The following IFTAP variants were observed in gnomAD, a reference collection of about 807,000 sequenced individuals.
IFTAP encodes intraflagellar transport associated protein.
A neutral mutation model predicts 19.4 loss-of-function variants in IFTAP; 19 were observed. That is an observed-to-expected ratio of 0.98 (90% CI 0.68 to 1.44). The LOEUF is 1.44. Ranked by LOEUF, IFTAP falls within the 40% of genes most tolerant of loss-of-function variation. The pLI, the probability that IFTAP is intolerant of heterozygous loss-of-function variation, is 0.00. For missense variants in IFTAP, 240 were observed against 253.6 expected (o/e 0.95, Z 0.36); for synonymous variants, 85 against 83.5 (o/e 1.02, Z -0.10).
chr11:36,633,162 C>T lies in IFTAP; in HGVS notation c.137-122C>T, dbSNP rs184383763. The T allele has an allele frequency of 3.4e-4, 286 of 853,008 alleles. 1 individual carries two copies. In the East Asian group the frequency reaches 7.0e-3, roughly 21 times the overall value. 52.8% of individuals were successfully genotyped at this position (853,008 alleles called of 1,614,324 possible). A position where few individuals can be genotyped will look rare whatever the true frequency, so the allele number is the denominator to read the frequency against. On this transcript the variant is annotated intron_variant, in intron 2 of 5. Transcript: ENST00000334307. Reference sequence around the variant, plus strand: ...CAGAGTGCTTAATGCCTCAAGGGTTCGGTTTGTAGAGTTCTTTGAAAAGTA... The same window carrying T: ...CAGAGTGCTTAATGCCTCAAGGGTTTGGTTTGTAGAGTTCTTTGAAAAGTA...
intron 4 of IFTAP, among the ~76,000 whole-genome samples, chr11:36,643,051 A>G (rs1484580877): frequency 6.6e-6 from 1 of 152,332 alleles, no homozygotes; most frequent in East Asian, 1.9e-4. Flanking sequence ...TCAGTTAGGA[A>G]AAGAGGAAGT....
chr11:36,618,504 C>T (rs1273158556), intron 2 of IFTAP, among the ~76,000 whole-genome samples: 1 of 151,996 alleles, frequency 6.6e-6, no homozygotes, highest in East Asian at 1.9e-4. Context: ...GGGTTTTCAC[C>T]ACTATTACAC....
At chr11:36,614,428 A>C (rs1331500706) in intron 2 of IFTAP, among the ~76,000 whole-genome samples, 6 of 148,490 alleles carry the variant, frequency 4.0e-5, no homozygotes. Flanking sequence ...CTTTGGGTAT[A>C]TACCCAGTAA....
intron 5 of IFTAP, among the ~76,000 whole-genome samples, chr11:36,648,991 A>G (rs1853601003): frequency 6.6e-6 from 1 of 152,152 alleles, no homozygotes; most frequent in South Asian, 2.1e-4. Flanking sequence ...CTTAATAAAC[A>G]TGTATCAATA....
intron 5 of IFTAP, among the ~76,000 whole-genome samples, chr11:36,653,760 A>G (rs1408557367): frequency 1.3e-5 from 2 of 152,174 alleles, no homozygotes; most frequent in South Asian, 2.1e-4. Flanking sequence ...TCACTCATGC[A>G]TGTCATCATA....
intron 5 of IFTAP, among the ~76,000 whole-genome samples, chr11:36,656,071 A>G (rs72941576): frequency 6.6e-6 from 1 of 152,208 alleles, no homozygotes; most frequent in Admixed American, 6.5e-5. Flanking sequence ...AGGTAGTTTG[A>G]GACCTCAGGG....
chr11:36,600,590 T>G (rs1851471558), intron 1 of IFTAP, among the ~76,000 whole-genome samples: 1 of 152,180 alleles, frequency 6.6e-6, no homozygotes. Context: ...TAGTCTCTGG[T>G]GCGAAAAAGG....
chr11:36,648,934 A>G (rs1206438317), intron 5 of IFTAP, among the ~76,000 whole-genome samples: 12 of 152,260 alleles, frequency 7.9e-5, no homozygotes, highest in African/African-American at 2.9e-4. Flanking sequence ...CAAATGTGCA[A>G]CTTGAAAGTC....
At chr11:36,598,917 G>A (rs1851397400) in intron 1 of IFTAP, among the ~76,000 whole-genome samples, 1 of 152,210 alleles carries the variant, frequency 6.6e-6, no homozygotes, top group South Asian at 2.1e-4. Flanking sequence ...ATGAGATAAT[G>A]TATGCAAAGT....
chr11:36,616,094 A>G (rs1590207677), intron 2 of IFTAP, among the ~76,000 whole-genome samples: 2 of 152,070 alleles, frequency 1.3e-5, no homozygotes, highest in Admixed American at 1.3e-4. Context: ...TTTCAACTCC[A>G]TTTTATGACA....
At position 36,626,356 on chromosome 11, in the gene IFTAP, A is replaced by G. The variant is rs929350599; in HGVS notation, c.137-6928A>G. The stretch of plus-strand genomic sequence containing the variant: ...TAAAGTGTTATGTCTTTGAGTGAGT[A>G]AAAATTTTAAGGGACTAGATTATAT... On this transcript the variant is annotated intron_variant, in intron 2 of 5. Transcript: ENST00000334307. Among the ~76,000 whole-genome samples the G allele has an allele frequency of 7.3e-5, 11 of 151,302 alleles. 2 individuals are homozygous for G. Among genetic ancestry groups the G allele is most frequent in the African/African-American group, 2.7e-4 (11 of 40,596 alleles).
chr11:36,616,682 C>T (rs1378361103), intron 2 of IFTAP, among the ~76,000 whole-genome samples: 1 of 151,762 alleles, frequency 6.6e-6, no homozygotes, highest in Admixed American at 6.6e-5. Flanking sequence ...GGAGCGATGC[C>T]AGTGCTTTTC....
At chr11:36,636,253 A>AT (rs367921733) in intron 4 of IFTAP, 136 bp downstream of exon 4, 10 of 654,726 alleles carry the variant, frequency 1.5e-5, no homozygotes, top group South Asian at 6.0e-5. Flanking sequence ...GTTGTGAGCT[A>AT]TTTTTTTCAG....
chr11:36,608,561 G>A (rs1200434789), intron 1 of IFTAP, among the ~76,000 whole-genome samples: 1 of 152,180 alleles, frequency 6.6e-6, no homozygotes, highest in Admixed American at 6.5e-5. Context: ...AGTTTAACAA[G>A]GTGAAATATC....
intron 2 of IFTAP, among the ~76,000 whole-genome samples, chr11:36,615,863 G>C (rs956596664): frequency 9.2e-5 from 14 of 151,816 alleles, no homozygotes; most frequent in South Asian, 2.1e-4. Context: ...CGTCTGCAAA[G>C]AGGGACAATT....
intron 5 of IFTAP, 22 bp from the exon 6 acceptor site, chr11:36,658,997 C>T (rs1178484627): frequency 4.7e-6 from 7 of 1,498,600 alleles, no homozygotes; most frequent in Admixed American, 4.2e-5. Context: ...TATGTTTTTT[C>T]CTCCTTTGTT....
At chr11:36,631,699 T>A (rs1223011338) in intron 2 of IFTAP, among the ~76,000 whole-genome samples, 1 of 151,118 alleles carries the variant, frequency 6.6e-6, no homozygotes, top group East Asian at 1.9e-4. Flanking sequence ...TGGAACATTT[T>A]TATAGTAGAG....
chr11:36,639,719 G>A (rs558110457), intron 4 of IFTAP, among the ~76,000 whole-genome samples: 2 of 152,114 alleles, frequency 1.3e-5, no homozygotes, highest in South Asian at 4.1e-4. Context: ...CCGTTCCTGA[G>A]GGATCTACTC....
At position 36,603,305 on chromosome 11, in the gene IFTAP, A is replaced by T. The variant is rs1851574488; in HGVS notation, c.-23-6776A>T. Among the ~76,000 whole-genome samples the T allele has an allele frequency of 2.0e-5, 3 of 152,222 alleles. 1 individual carries two copies. Among genetic ancestry groups the T allele is most frequent in the Admixed American group, 2.0e-4 (3 of 15,284 alleles). On this transcript the variant is annotated intron_variant, in intron 1 of 5. Transcript: ENST00000334307. ...GCATGTAATATTATAGATTAGTATT[A>T]GTCTCTCTCCCAGAGCTTTCTGTTG...
Sources: gnomAD v4.1 joint callset for allele counts (sites outside exome capture counted in the v4.1 genomes callset) on GRCh38, gnomAD v4.1.1 for gene constraint, MANE v1.5 for transcripts, NCBI Gene and HGNC (gene_info 2026-07-23, HGNC 2026-07-21) for gene names.